TBCK: variants seen among roughly 807,000 people sequenced by gnomAD.
The protein encoded by TBCK is TBC1 domain containing kinase.
In TBCK, 99 loss-of-function variants were observed where a neutral mutation model predicts 113.4. The observed-to-expected ratio is 0.87, with a 90% CI of 0.74 to 1.03. The LOEUF (loss-of-function observed/expected upper bound fraction) is 1.03. Among genes scored for constraint, TBCK ranks in the 50% least tolerant of loss-of-function variants. The pLI is 0.00. For synonymous variants in TBCK, 369 were observed against 370.8 expected (o/e 1.00, Z 0.05); for missense variants, 1,045 against 1,061.3 (o/e 0.98, Z 0.21).
intron 23 of TBCK, among the ~76,000 whole-genome samples, chr4:106,138,741 A>G (rs1746848770): frequency 1.4e-5 from 2 of 141,246 alleles, no homozygotes; most frequent in African/African-American, 5.0e-5. Flanking sequence ...ATAAAACCAG[A>G]ACCAGGTAAG....
At chr4:106,181,634 C>T (rs576933172) in intron 22 of TBCK, among the ~76,000 whole-genome samples, 50 of 152,164 alleles carry the variant, frequency 3.3e-4, no homozygotes, top group Admixed American at 6.5e-4. Context: ...GAATCTTTTC[C>T]CCATTGCTTG....
intron 25 of TBCK, among the ~76,000 whole-genome samples, chr4:106,076,979 C>T (rs139744384): frequency 1.3e-5 from 2 of 152,196 alleles, no homozygotes; most frequent in African/African-American, 4.8e-5. Context: ...TGACATGCAC[C>T]TGTAGTCCCA....
chr4:106,223,552 C>A (rs918366971), intron 19 of TBCK, among the ~76,000 whole-genome samples: 1 of 152,080 alleles, frequency 6.6e-6, no homozygotes, highest in Non-Finnish European at 1.5e-5. Context: ...ATGTTGGGGA[C>A]ATCACAGTGA....
At chr4:106,143,683 G>C (rs113560145) in intron 23 of TBCK, among the ~76,000 whole-genome samples, 3,982 of 152,262 alleles carry the variant, frequency 0.026, 159 homozygotes, top group African/African-American at 0.091. Context: ...GGGAGGCCAA[G>C]GCGGGCGGAC....
intron 23 of TBCK, among the ~76,000 whole-genome samples, chr4:106,116,579 C>T (rs1437890559): frequency 6.6e-6 from 1 of 152,118 alleles, no homozygotes; most frequent in African/African-American, 2.4e-5. Flanking sequence ...TTGTTAGGAA[C>T]TGGGCCACAC....
intron 3 of TBCK, among the ~76,000 whole-genome samples, chr4:106,283,634 T>C (rs983488540): frequency 4.6e-5 from 7 of 152,050 alleles, no homozygotes; most frequent in African/African-American, 1.2e-4. Context: ...TTTAGGCACA[T>C]TGGAAATAAT....
chr4:106,308,787 A>G lies in TBCK; in HGVS notation c.174T>C (p.Asp58=). 6.2e-7 allele frequency: 1 copy of G among 1,613,270 alleles called. No homozygotes were observed. ...ITHPRLCQYV[D]ISRGKHERLV... ...ACTTACCATGCTTTCCCCTAGAAAT[A>G]TCCACATACTGGCAGAGTCTGGGAT... The change falls in exon 2 of 26, where the codon GAT becomes GAC. Residue 58 remains aspartate (D), a synonymous_variant. Transcript: ENST00000394708.
In TBCK at chr4:106,155,937, T is replaced by G. The variant is rs552781877; in HGVS notation, c.2235+15158A>C. Reference sequence around the variant, plus strand: ...GTCATGCTTTCCTGGATGATCTTAATGTGTGTGGATGTTCATCTGTGTCTG... The same window carrying G: ...GTCATGCTTTCCTGGATGATCTTAAGGTGTGTGGATGTTCATCTGTGTCTG... On this transcript the variant is annotated intron_variant, in intron 23 of 25. Transcript: ENST00000394708. 2.0e-5 allele frequency among the ~76,000 whole-genome samples: 3 copies of G among 152,236 alleles called. No homozygotes were observed. In the South Asian group the frequency reaches 6.2e-4, roughly 32 times the overall value.
chr4:106,272,058 G>A (rs781549376), intron 3 of TBCK, among the ~76,000 whole-genome samples: 8 of 152,234 alleles, frequency 5.3e-5, no homozygotes, highest in Admixed American at 3.9e-4. Flanking sequence ...CGTAGAAGGC[G>A]AATATAAATG....
At chr4:106,278,807 A>G (rs979847733) in intron 3 of TBCK, among the ~76,000 whole-genome samples, 3 of 152,016 alleles carry the variant, frequency 2.0e-5, no homozygotes, top group Non-Finnish European at 4.4e-5. Context: ...GTGAATGGGT[A>G]TAATCAACTC....
At chr4:106,246,636 G>A (rs1760847620) in intron 10 of TBCK, among the ~76,000 whole-genome samples, 1 of 152,092 alleles carries the variant, frequency 6.6e-6, no homozygotes, top group Non-Finnish European at 1.5e-5. Flanking sequence ...AAAGGCTAGA[G>A]GCACAGGCTC....
At chr4:106,130,239 T>C (rs927900308) in intron 23 of TBCK, among the ~76,000 whole-genome samples, 1 of 152,210 alleles carries the variant, frequency 6.6e-6, no homozygotes, top group African/African-American at 2.4e-5. Context: ...ATGTGTAATA[T>C]GTATTAAAAT....
intron 3 of TBCK, among the ~76,000 whole-genome samples, chr4:106,288,913 G>A (rs1366840428): frequency 6.6e-6 from 1 of 152,188 alleles, no homozygotes; most frequent in African/African-American, 2.4e-5. Context: ...CAGGCTATGT[G>A]TATAAGCTAT....
At chr4:106,240,092 T>A (rs76526554) in intron 12 of TBCK, among the ~76,000 whole-genome samples, 1 of 151,910 alleles carries the variant, frequency 6.6e-6, no homozygotes, top group South Asian at 2.1e-4. Context: ...AAAAACCCCA[T>A]CAACATAATT....
chr4:106,256,113 G>T (rs577439937), intron 5 of TBCK, among the ~76,000 whole-genome samples: 1 of 152,140 alleles, frequency 6.6e-6, no homozygotes, highest in Non-Finnish European at 1.5e-5. Flanking sequence ...AGAAGTGCAC[G>T]TCCATTGGTC....
At chr4:106,308,403 A>C (rs1416717517) in intron 2 of TBCK, among the ~76,000 whole-genome samples, 1 of 152,222 alleles carries the variant, frequency 6.6e-6, no homozygotes, top group African/African-American at 2.4e-5. Flanking sequence ...AAAATTGCAA[A>C]GTACAAAATC....
intron 3 of TBCK, among the ~76,000 whole-genome samples, chr4:106,282,363 C>T (rs1204618000): frequency 1.3e-5 from 2 of 151,650 alleles, no homozygotes; most frequent in Admixed American, 6.6e-5. Context: ...CTTTTCATTT[C>T]ACTAATATTT....
intron 25 of TBCK, among the ~76,000 whole-genome samples, chr4:106,073,829 T>A (rs1351880274): frequency 6.6e-6 from 1 of 152,194 alleles, no homozygotes; most frequent in African/African-American, 2.4e-5. Context: ...TGGTGGACAC[T>A]CTTCCCCCAG....
At chr4:106,283,026 T>C (rs147822314) in intron 3 of TBCK, among the ~76,000 whole-genome samples, 11 of 152,298 alleles carry the variant, frequency 7.2e-5, no homozygotes, top group African/African-American at 2.6e-4. Flanking sequence ...AACCATATCA[T>C]TTTATTTTTA....
Sources: allele counts gnomAD v4.1 joint callset (sites outside exome capture counted in the v4.1 genomes callset), GRCh38; gene constraint gnomAD v4.1.1; transcripts MANE v1.5; gene names NCBI Gene and HGNC (gene_info 2026-07-23, HGNC 2026-07-21).